The following COLEC11 variants were observed in gnomAD, a reference collection of about 807,000 sequenced individuals.
COLEC11 encodes the protein collectin subfamily member 11.
COLEC11 carries 20 observed loss-of-function variants against 27.3 expected under a neutral mutation model. The observed-to-expected ratio is 0.73, with a 90% CI of 0.51 to 1.06. The LOEUF (loss-of-function observed/expected upper bound fraction) is 1.06, where lower values mean the gene tolerates loss of function less well. COLEC11 is among the 50% of genes least tolerant of loss of function. COLEC11 has a pLI of 0.00. For missense variants in COLEC11, 310 were observed against 383.0 expected, an observed-to-expected ratio of 0.81 and a Z score of 1.59; for synonymous variants, 163 against 154.7, an observed-to-expected ratio of 1.05 and a Z score of -0.40.
chr2:3,620,136 G>A (rs988981692), intron 3 of COLEC11, among the ~76,000 whole-genome samples: 4 of 152,072 alleles, frequency 2.6e-5, no homozygotes, highest in Non-Finnish European at 5.9e-5. Context: ...TAGAAGGATT[G>A]GTATTAATTC....
At chr2:3,606,112 A>C in intron 2 of COLEC11, 1 of 1,550,478 alleles carries the variant, frequency 6.4e-7, no homozygotes, top group Non-Finnish European at 8.7e-7. Flanking sequence ...TGGGTTTGTG[A>C]GTGGAACCTT....
chr2:3,637,246 G>A (rs1474623115), intron 3 of COLEC11, among the ~76,000 whole-genome samples: 2 of 152,228 alleles, frequency 1.3e-5, no homozygotes, highest in Admixed American at 6.5e-5. Flanking sequence ...GGGATGGACC[G>A]TGGTTGAGTT....
At position 3,627,566 on chromosome 2, in the gene COLEC11, G is replaced by C. The variant is rs746016279; in HGVS notation, c.203-9967G>C. On this transcript the variant is annotated intron_variant, in intron 3 of 6. Coordinates refer to ENST00000349077, the MANE Select transcript of COLEC11 (RefSeq NM_024027.5). ...TGGGCATGACACTGGGCATGATGACGGTCTGCATCTGGGCATGATGGCTCT... is the reference window on the plus strand; with the variant it reads ...TGGGCATGACACTGGGCATGATGACCGTCTGCATCTGGGCATGATGGCTCT... Among the ~76,000 whole-genome samples, 3 of 148,812 alleles carry C rather than the reference G, an allele frequency of 2.0e-5. No individual in the cohort carries two copies. In the East Asian group the frequency reaches 6.1e-4, roughly 30 times the overall value.
At chr2:3,616,774 G>GGGGAGAGGGAGAGGGAGACCGTGGGGAGA (rs1663783746) in intron 3 of COLEC11, among the ~76,000 whole-genome samples, 2 of 144,658 alleles carry the variant, frequency 1.4e-5, no homozygotes, top group Non-Finnish European at 2.9e-5. Flanking sequence ...GGGAGACCGT[G>GGGGAGAGGGAGAGGGAGACCGTGGGGAGA]GGGAGAGGGA....
At chr2:3,631,295 A>G (rs1421837899) in intron 3 of COLEC11, among the ~76,000 whole-genome samples, 1 of 152,244 alleles carries the variant, frequency 6.6e-6, no homozygotes, top group African/African-American at 2.4e-5. Context: ...TTAACAGTAA[A>G]GCAAAGCAGA....
At chr2:3,631,816 C>T (rs926677184) in intron 3 of COLEC11, among the ~76,000 whole-genome samples, 1 of 152,192 alleles carries the variant, frequency 6.6e-6, no homozygotes, top group African/African-American at 2.4e-5. Flanking sequence ...TCTCCTGCCT[C>T]CTGGGCTTGG....
At chr2:3,604,083 C>T (rs13426371) in intron 1 of COLEC11, 8,884 of 598,810 alleles carry the variant, frequency 0.015, 584 homozygotes, top group African/African-American at 0.15. Context: ...GGCTCACTGA[C>T]CAGGGCTGGC....
Position 3,629,929 on chromosome 2 carries a change from T to C in COLEC11, c.203-7604T>C, listed in dbSNP as rs138754345. On this transcript the variant is annotated intron_variant, in intron 3 of 6. Transcript: ENST00000349077. The stretch of plus-strand genomic sequence containing the variant: ...ATGTATGTGTATATGGGCATGTTTA[T>C]ATGTACATATATACGATGTGCAGTT... Among the ~76,000 whole-genome samples the C allele has an allele frequency of 5.3e-5, 8 of 152,366 alleles. No homozygotes were observed. The East Asian group carries it at 1.5e-3, about 29-fold the overall frequency.
chr2:3,644,191 T>C lies in COLEC11; in HGVS notation c.*73T>C, dbSNP rs965069748. 61 of 1,580,344 alleles carry C rather than the reference T, an allele frequency of 3.9e-5. No individual in the cohort carries two copies. Among genetic ancestry groups the C allele is most frequent in the Non-Finnish European group, 5.2e-5 (60 of 1,164,060 alleles). On this transcript the variant is annotated 3_prime_UTR_variant, in exon 7 of 7. Coordinates refer to ENST00000349077, the MANE Select transcript of COLEC11 (RefSeq NM_024027.5). ...GTTGGCAGGGACAGAGCCCAGACCA[T>C]GGTGCCAGCCAGGGAGCTGTCCCTC...
intron 3 of COLEC11, among the ~76,000 whole-genome samples, chr2:3,631,686 C>A (rs1558511952): frequency 1.3e-5 from 2 of 152,026 alleles, no homozygotes; most frequent in Admixed American, 6.5e-5. Flanking sequence ...TCGGAGGGGC[C>A]CCTGCTCGGA....
chr2:3,641,266 GGAACGGC>G, intron 5 of COLEC11: 1 of 1,304,322 alleles, frequency 7.7e-7, no homozygotes, highest in Non-Finnish European at 1.0e-6. Context: ...GAGATGAGGA[GGAACGGC>G]TGCTTGGAAG....
intron 3 of COLEC11, among the ~76,000 whole-genome samples, chr2:3,622,766 C>T (rs771306719): frequency 6.6e-6 from 1 of 152,158 alleles, no homozygotes; most frequent in Non-Finnish European, 1.5e-5. Flanking sequence ...GCCTCTTGAC[C>T]TTGGATTTCC....
At chr2:3,636,238 C>T (rs542013672) in intron 3 of COLEC11, among the ~76,000 whole-genome samples, 7 of 152,310 alleles carry the variant, frequency 4.6e-5, no homozygotes, top group African/African-American at 7.2e-5. Context: ...GGATGGATCA[C>T]GCAGTCAGGA....
chr2:3,604,063 C>T, intron 1 of COLEC11: 1 of 589,066 alleles, frequency 1.7e-6, no homozygotes, highest in Non-Finnish European at 3.0e-6. Flanking sequence ...AGCCGTAGGC[C>T]TTCAATCAAG....
chr2:3,619,877 T>C (rs1489151195), intron 3 of COLEC11, among the ~76,000 whole-genome samples: 1 of 152,214 alleles, frequency 6.6e-6, no homozygotes, highest in African/African-American at 2.4e-5. Context: ...CCACCTGCCT[T>C]GGCCTCCCAA....
At chr2:3,604,498 T>C in intron 2 of COLEC11, 28 bp downstream of exon 2, 1 of 1,613,100 alleles carries the variant, frequency 6.2e-7, no homozygotes, top group Middle Eastern at 1.6e-4. Context: ...TCTGGGCTGC[T>C]GGGCAGTGGC....
Position 3,640,217 on chromosome 2 carries a change from T to C in COLEC11, c.275-61T>C, listed in dbSNP as rs367764787. 112 of 1,010,768 alleles carry C rather than the reference T, an allele frequency of 1.1e-4. No homozygotes were observed. The African/African-American group carries it at 1.4e-3, about 13-fold the overall frequency. The allele number at this position is 1,010,768 out of a possible 1,614,324, so 62.6% of individuals were successfully genotyped here. On this transcript the variant is annotated intron_variant, in intron 4 of 6. Transcript: ENST00000349077. ...AAATCACATTTTCAGTCTTGATGTT[T>C]TTAACACATAGAACATGTCCATCTC...
At chr2:3,595,725 G>C (rs1036774531) in intron 1 of COLEC11, among the ~76,000 whole-genome samples, 2 of 152,158 alleles carry the variant, frequency 1.3e-5, no homozygotes, top group Admixed American at 6.5e-5. Context: ...AACCAAGTGG[G>C]GTCATCTTGT....
chr2:3,603,418 G>A, intron 1 of COLEC11: 2 of 528,562 alleles, frequency 3.8e-6, no homozygotes, highest in East Asian at 3.5e-5. Flanking sequence ...CTGGGTTCAA[G>A]CAGTTCTCCT....
Sources: gnomAD v4.1 joint callset for allele counts (sites outside exome capture counted in the v4.1 genomes callset) on GRCh38, gnomAD v4.1.1 for gene constraint, MANE v1.5 for transcripts, NCBI Gene and HGNC (gene_info 2026-07-23, HGNC 2026-07-21) for gene names.